The following EPHA6 variants were observed in gnomAD, a reference collection of about 807,000 sequenced individuals.
The protein encoded by EPHA6 is EPH receptor A6.
In EPHA6, 50 loss-of-function variants were observed where a neutral mutation model predicts 112.0. The observed-to-expected ratio is 0.45, with a 90% CI of 0.36 to 0.56. The LOEUF is 0.56. Among genes scored for constraint, EPHA6 ranks in the 20% least tolerant of loss-of-function variants. The pLI is 0.00. For missense variants in EPHA6, 1,280 were observed against 1,417.4 expected (o/e 0.90, Z 1.56); for synonymous variants, 529 against 490.7 (o/e 1.08, Z -1.03).
intron 3 of EPHA6, among the ~76,000 whole-genome samples, chr3:97,027,444 TA>T (rs2044680319): frequency 6.6e-6 from 1 of 151,974 alleles, no homozygotes; most frequent in East Asian, 1.9e-4. Context: ...ATTAAAATGT[TA>T]AAAAAAGAGT....
At chr3:97,142,522 G>T (rs1419529366) in intron 3 of EPHA6, among the ~76,000 whole-genome samples, 1 of 151,924 alleles carries the variant, frequency 6.6e-6, no homozygotes, top group African/African-American at 2.4e-5. Context: ...CATCATCAGA[G>T]ACTACTACTA....
chr3:97,234,521 T>C (rs2078625512), intron 4 of EPHA6, among the ~76,000 whole-genome samples: 3 of 152,164 alleles, frequency 2.0e-5, no homozygotes, highest in Non-Finnish European at 4.4e-5. Context: ...ATGATCTTCA[T>C]TGACATTTTG....
At position 97,735,882 on chromosome 3, in the gene EPHA6, C is replaced by G. The variant is rs370991397; in HGVS notation, c.2935-43C>G. 33 of 1,427,576 alleles carry G rather than the reference C, an allele frequency of 2.3e-5. No homozygotes were observed. The African/African-American group carries it at 4.3e-4, about 18-fold the overall frequency. The allele number at this position is 1,427,576 out of a possible 1,614,324, so 88.4% of individuals were successfully genotyped here. ...AAAAGAAATTATAGCATATGTATTA[C>G]TGCCTAAAAATAAGAGAGTAATCTG... On this transcript the variant is annotated intron_variant, in intron 15 of 17. Coordinates refer to ENST00000389672, the MANE Select transcript of EPHA6 (RefSeq NM_001080448.3).
Position 97,736,122 on chromosome 3 carries a change from A to G in EPHA6, c.3128+4A>G. ...CCCTGGTGGAGGACATCCTTGTGTA[A>G]GAGGCATAATGTTGAGTTTTTTTCT... is the stretch of plus-strand genomic sequence containing the variant. On this transcript the variant is annotated splice_donor_region_variant and intron_variant, in intron 16 of 17. Coordinates refer to ENST00000389672, the MANE Select transcript of EPHA6 (RefSeq NM_001080448.3). 1 of 1,608,660 alleles carries G rather than the reference A, an allele frequency of 6.2e-7. No homozygotes were observed. Among genetic ancestry groups the G allele is most frequent in the Non-Finnish European group, 8.5e-7 (1 of 1,176,696 alleles).
At chr3:97,689,906 C>T (rs1171852734) in intron 14 of EPHA6, among the ~76,000 whole-genome samples, 1 of 152,170 alleles carries the variant, frequency 6.6e-6, no homozygotes, top group Non-Finnish European at 1.5e-5. Flanking sequence ...TGACTTGCTT[C>T]TTTCGCTAAG....
At chr3:97,596,128 A>C (rs1483534247) in intron 12 of EPHA6, among the ~76,000 whole-genome samples, 2 of 151,188 alleles carry the variant, frequency 1.3e-5, no homozygotes, top group South Asian at 4.2e-4. Context: ...GATGGTCTCG[A>C]TCTACTGACC....
intron 9 of EPHA6, chr3:97,481,546 G>A: frequency 2.7e-6 from 2 of 754,038 alleles, no homozygotes; most frequent in Non-Finnish European, 4.7e-6. Flanking sequence ...GGTCCCTAGA[G>A]CCGCCGGGGC....
chr3:97,304,807 A>G (rs1193930063), intron 5 of EPHA6, among the ~76,000 whole-genome samples: 2 of 152,076 alleles, frequency 1.3e-5, no homozygotes, highest in East Asian at 3.9e-4. Context: ...TGTAGGCAAT[A>G]CCATTCAGGA....
chr3:97,486,526 C>G (rs11915261), intron 10 of EPHA6, among the ~76,000 whole-genome samples: 8,029 of 152,202 alleles, frequency 0.053, 612 homozygotes, highest in African/African-American at 0.17. Flanking sequence ...GCCACATCTG[C>G]TGAGGGTCTT....
At chr3:97,675,307 C>T (rs549938299) in intron 14 of EPHA6, among the ~76,000 whole-genome samples, 1 of 151,952 alleles carries the variant, frequency 6.6e-6, no homozygotes, top group African/African-American at 2.4e-5. Context: ...GGTGAAACCC[C>T]GTGTCTACTA....
At chr3:96,920,710 T>C (rs1162608303) in intron 2 of EPHA6, among the ~76,000 whole-genome samples, 3 of 152,030 alleles carry the variant, frequency 2.0e-5, no homozygotes, top group East Asian at 3.8e-4. Flanking sequence ...AGGATGTATA[T>C]ATGTCAATCG....
At chr3:97,731,818 C>T (rs992081084) in intron 15 of EPHA6, among the ~76,000 whole-genome samples, 3 of 151,958 alleles carry the variant, frequency 2.0e-5, no homozygotes, top group Non-Finnish European at 2.9e-5. Context: ...CACTCCAACC[C>T]GAGAATTGCT....
At chr3:97,628,944 G>GTTTA (rs904281272) in intron 13 of EPHA6, among the ~76,000 whole-genome samples, 3 of 151,832 alleles carry the variant, frequency 2.0e-5, no homozygotes, top group Admixed American at 6.6e-5. Context: ...TTGTTTGTTT[G>GTTTA]TTTATTTATT....
intron 8 of EPHA6, among the ~76,000 whole-genome samples, chr3:97,477,459 AG>A (rs1450002915): frequency 1.7e-4 from 13 of 78,246 alleles, no homozygotes; most frequent in African/African-American, 5.9e-4. Context: ...AGGGGAGGGG[AG>A]GGGAGGGGAG....
chr3:96,978,278 A>T (rs181459750), intron 2 of EPHA6, among the ~76,000 whole-genome samples: 5 of 152,246 alleles, frequency 3.3e-5, no homozygotes, highest in Admixed American at 3.3e-4. Flanking sequence ...GGCTGAAGAG[A>T]AGGGTAAAGT....
intron 6 of EPHA6, 73 bp downstream of exon 6, chr3:97,405,347 A>G: frequency 7.7e-7 from 1 of 1,294,656 alleles, no homozygotes; most frequent in South Asian, 1.5e-5. Flanking sequence ...GCATGTCGTT[A>G]TACTATATTA....
At chr3:97,601,711 G>A (rs950911802) in intron 12 of EPHA6, among the ~76,000 whole-genome samples, 1 of 151,956 alleles carries the variant, frequency 6.6e-6, no homozygotes. Context: ...TGCATTGGGG[G>A]TGGGGGGAAG....
chr3:97,203,578 GA>G (rs1023742207), intron 3 of EPHA6, among the ~76,000 whole-genome samples: 2 of 151,986 alleles, frequency 1.3e-5, no homozygotes, highest in Non-Finnish European at 2.9e-5. Context: ...GATGAATGCA[GA>G]AAAAAATCTA....
intron 2 of EPHA6, among the ~76,000 whole-genome samples, chr3:96,870,972 A>G (rs1264736273): frequency 2.0e-5 from 3 of 152,090 alleles, no homozygotes; most frequent in African/African-American, 7.2e-5. Flanking sequence ...ATCCAAAACT[A>G]TACCATGTGC....
Sources: allele counts gnomAD v4.1 joint callset (sites outside exome capture counted in the v4.1 genomes callset), GRCh38; gene constraint gnomAD v4.1.1; transcripts MANE v1.5; gene names NCBI Gene and HGNC (gene_info 2026-07-23, HGNC 2026-07-21).